Variants in LRP2 observed in about 807,000 individuals in gnomAD.
The protein encoded by LRP2 is LDL receptor related protein 2.
A neutral mutation model predicts 531.0 loss-of-function variants in LRP2; 172 were observed. The ratio of observed to expected loss-of-function variants is 0.32; its 90% CI spans 0.29 to 0.37. LRP2 has a LOEUF of 0.37. Ranked by LOEUF, LRP2 falls within the 10% of genes least tolerant of loss-of-function variation. The pLI, the probability that LRP2 is intolerant of heterozygous loss-of-function variation, is 1.00. For synonymous variants in LRP2, 1,992 were observed against 2,027.6 expected (o/e 0.98, Z 0.47); for missense variants, 5,167 against 5,868.3 (o/e 0.88, Z 3.90).
chr2:169,173,228 A>C lies in LRP2; in HGVS notation c.11015-4T>G, dbSNP rs763646458. ...TCACAGAGATGGGCAGAGCTCACTG[A>C]AAAGGGAGGAGGCATCAAAGTCAGA... On this transcript the variant is annotated splice_region_variant and splice_polypyrimidine_tract_variant and intron_variant, in intron 56 of 78. Coordinates refer to ENST00000649046, the MANE Select transcript of LRP2 (RefSeq NM_004525.3). 11 of 1,613,908 alleles carry C rather than the reference A, an allele frequency of 6.8e-6. No homozygotes were observed. The highest frequency in any genetic ancestry group is 9.3e-6 in the Non-Finnish European group (11 of 1,179,980).
chr2:169,157,674 G>A (rs1157189575), intron 63 of LRP2, among the ~76,000 whole-genome samples, 172 bp from the exon 64 acceptor site: 4 of 151,958 alleles, frequency 2.6e-5, no homozygotes, highest in African/African-American at 9.7e-5. Flanking sequence ...TCCTATTTCT[G>A]ATCGTGATCT....
chr2:169,189,377 G>C (rs1377628470), intron 48 of LRP2, among the ~76,000 whole-genome samples: 1 of 152,190 alleles, frequency 6.6e-6, no homozygotes, highest in African/African-American at 2.4e-5. Context: ...GAAGAAAGCT[G>C]TGGTCAAGGC....
intron 16 of LRP2, among the ~76,000 whole-genome samples, chr2:169,269,077 CA>C (rs1285145687): frequency 6.6e-6 from 1 of 152,126 alleles, no homozygotes; most frequent in Non-Finnish European, 1.5e-5. Context: ...AGGAGAACTA[CA>C]AACCACTGCT....
intron 63 of LRP2, 21 bp from the exon 64 acceptor site, chr2:169,157,523 A>G: frequency 6.2e-7 from 1 of 1,611,340 alleles, no homozygotes; most frequent in Non-Finnish European, 8.5e-7. Context: ...AAATCCCAGC[A>G]TTACAAACCA....
At chr2:169,143,117 C>A (rs958976913) in intron 70 of LRP2, among the ~76,000 whole-genome samples, 2 of 152,178 alleles carry the variant, frequency 1.3e-5, no homozygotes, top group African/African-American at 2.4e-5. Context: ...CTACTCAGTG[C>A]TAAACAACTT....
chr2:169,184,128 G>C (rs1018480339), intron 50 of LRP2, among the ~76,000 whole-genome samples: 1 of 152,072 alleles, frequency 6.6e-6, no homozygotes, highest in African/African-American at 2.4e-5. Flanking sequence ...GTTTCTGAGA[G>C]AGAGGGCTGA....
intron 31 of LRP2, among the ~76,000 whole-genome samples, chr2:169,230,342 T>A (rs1315265627): frequency 6.6e-6 from 1 of 152,256 alleles, no homozygotes; most frequent in East Asian, 1.9e-4. Flanking sequence ...TGCCAGTCCC[T>A]CTGTGAGAAT....
intron 15 of LRP2, among the ~76,000 whole-genome samples, 173 bp downstream of exon 15, chr2:169,272,754 T>C (rs761391180): frequency 6.6e-6 from 1 of 152,116 alleles, no homozygotes; most frequent in Non-Finnish European, 1.5e-5. Context: ...CTGTGTATAG[T>C]AGAAGTGGTG....
At chr2:169,320,302 C>T (rs1459496688) in intron 2 of LRP2, among the ~76,000 whole-genome samples, 1 of 152,148 alleles carries the variant, frequency 6.6e-6, no homozygotes, top group Non-Finnish European at 1.5e-5. Context: ...AAACATAAAT[C>T]ACACTAACCA....
At chr2:169,318,475 C>T (rs190117351) in intron 3 of LRP2, among the ~76,000 whole-genome samples, 15 of 152,322 alleles carry the variant, frequency 9.8e-5, no homozygotes, top group African/African-American at 3.4e-4. Flanking sequence ...CCCAGCTATA[C>T]ACTCCAATAA....
At position 169,175,257 on chromosome 2, in the gene LRP2, C is replaced by A. The variant is rs756473581; in HGVS notation, c.10704G>T (p.Pro3568=). 1.9e-6 allele frequency: 3 copies of A among 1,614,150 alleles called. No individual in the cohort carries two copies. Among genetic ancestry groups the A allele is most frequent in the Admixed American group, 1.7e-5 (1 of 60,016 alleles). ...TTTGGTGAGCATTGCATAAAGTCTG[C>A]GGGCTGGTGCAGTTGCCGTCACTGC... ...FQCSDGNCTS[P]QTLCNAHQNC... The change falls in exon 55 of 79, where the codon CCG becomes CCT. Residue 3568 remains proline (P), a synonymous_variant. Coordinates refer to ENST00000649046, the MANE Select transcript of LRP2 (RefSeq NM_004525.3).
chr2:169,228,953 C>G (rs1049577837), intron 31 of LRP2, among the ~76,000 whole-genome samples: 2 of 152,136 alleles, frequency 1.3e-5, no homozygotes, highest in Non-Finnish European at 2.9e-5. Context: ...AATCAGAGGA[C>G]TGGGGAAGTA....
chr2:169,220,495 T>C lies in LRP2; in HGVS notation c.5607A>G (p.Gly1869=). ...TLIANDGTAL[G]VGFPIGITVD... ...CAGTTATGCCAATTGGAAAGCCAAC[T>C]CCAAGAGCTGTCCCATCATTGGCAA... is the stretch of plus-strand genomic sequence containing the variant. Residue 1869 remains glycine, a synonymous_variant, in exon 34 of 79, where the codon GGA becomes GGG. Coordinates refer to ENST00000649046, the MANE Select transcript of LRP2 (RefSeq NM_004525.3). 1.2e-6 allele frequency: 2 copies of C among 1,613,644 alleles called. No individual in the cohort carries two copies. Among genetic ancestry groups the C allele is most frequent in the South Asian group, 2.2e-5 (2 of 91,082 alleles).
Position 169,279,568 on chromosome 2 carries a change from T to G in LRP2, c.1369A>C (p.Asn457His). The G allele has an allele frequency of 6.2e-7, 1 of 1,613,356 alleles. No individual in the cohort carries two copies. The highest frequency in any genetic ancestry group is 8.5e-7 in the Non-Finnish European group (1 of 1,179,390). The change falls in exon 12 of 79, where the codon AAT (asparagine) becomes CAT (histidine). Residue 457 changes from asparagine (N) to histidine (H), a missense_variant. Asn to His is a moderately conservative substitution (Grantham distance 68, BLOSUM62 1). Around this residue, in one of 6 missense-constraint regions of LRP2, gnomAD observed 2,811 missense variants for 3,058.0 expected, o/e 0.92. Coordinates refer to ENST00000649046, the MANE Select transcript of LRP2 (RefSeq NM_004525.3). ...GAAACATTGAGAACCTCTTGGATAT[T>G]TAAACCATTAATGTCAACTGAAAAA... The part of the protein sequence containing the change: ...KVFSVDINGL[N>H]IQEVLNVSVE...
At chr2:169,158,378 G>A (rs1686421318) in intron 63 of LRP2, among the ~76,000 whole-genome samples, 1 of 151,932 alleles carries the variant, frequency 6.6e-6, no homozygotes, top group Non-Finnish European at 1.5e-5. Context: ...TTGAATGTAT[G>A]TTCAGTGATA....
chr2:169,324,966 G>C (rs531149658), intron 1 of LRP2, among the ~76,000 whole-genome samples: 1 of 145,426 alleles, frequency 6.9e-6, no homozygotes, highest in Non-Finnish European at 1.5e-5. Context: ...CAAACAATGA[G>C]ACTTTAAATA....
intron 61 of LRP2, among the ~76,000 whole-genome samples, 180 bp downstream of exon 61, chr2:169,168,358 CT>C: frequency 6.6e-6 from 1 of 152,246 alleles, no homozygotes; most frequent in Non-Finnish European, 1.5e-5. Context: ...GTTTTCCCAA[CT>C]TTCTCAGGTT....
intron 4 of LRP2, among the ~76,000 whole-genome samples, chr2:169,295,067 T>C (rs1684102272): frequency 6.6e-6 from 1 of 152,172 alleles, no homozygotes; most frequent in African/African-American, 2.4e-5. Context: ...TAACTTTAGT[T>C]CAAAATCAAA....
Position 169,216,466 on chromosome 2 carries a change from A to C in LRP2, c.5649-36T>G, listed in dbSNP as rs751072453. The C allele has an allele frequency of 3.7e-6, 6 of 1,606,622 alleles. No homozygotes were observed. In the Admixed American group the frequency reaches 5.0e-5, roughly 13 times the overall value. On this transcript the variant is annotated intron_variant, in intron 34 of 78. Transcript: ENST00000649046. ...GAAAAACACCAGCATGTAACAAAAC[A>C]GAAGGTGGATTTGAGTCAGTGACAT...
Sources: allele counts gnomAD v4.1 joint callset (sites outside exome capture counted in the v4.1 genomes callset), GRCh38; gene constraint gnomAD v4.1.1; regional missense constraint gnomAD v4.1.1; transcripts MANE v1.5; gene names NCBI Gene and HGNC (gene_info 2026-07-23, HGNC 2026-07-21).